Variants in USP42 observed in about 807,000 individuals in gnomAD.
USP42 encodes the protein ubiquitin specific peptidase 42, also known as ubiquitin carboxyl-terminal hydrolase 42.
In USP42, 23 loss-of-function variants were observed where a neutral mutation model predicts 113.0. The observed-to-expected ratio is 0.20, with a 90% CI of 0.15 to 0.29. The LOEUF (loss-of-function observed/expected upper bound fraction) is 0.29, where lower values mean the gene tolerates loss of function less well. USP42 is among the 10% of genes least tolerant of loss of function. The probability of loss-of-function intolerance (pLI) is 1.00; values close to 1 mark genes in which losing one functional copy is unlikely to be tolerated. For synonymous variants in USP42, 933 were observed against 699.0 expected, an observed-to-expected ratio of 1.33 and a Z score of -5.28; for missense variants, 2,174 against 1,779.8, an observed-to-expected ratio of 1.22 and a Z score of -3.99.
intron 10 of USP42, 77 bp from the exon 11 acceptor site, chr7:6,146,071 G>A (rs1379279948): frequency 3.4e-6 from 4 of 1,173,592 alleles, no homozygotes; most frequent in South Asian, 1.4e-5. Flanking sequence ...CAAAAAAAAA[G>A]AAAGAAATAT....
intron 3 of USP42, among the ~76,000 whole-genome samples, chr7:6,118,293 G>A (rs999398474): frequency 4.6e-5 from 7 of 151,902 alleles, no homozygotes; most frequent in Admixed American, 1.3e-4. Flanking sequence ...AGGCTGAGGC[G>A]GGTGGCTCAC....
upstream of USP42, among the ~76,000 whole-genome samples, chr7:6,103,364 CTG>C (rs1222367936): frequency 6.6e-6 from 1 of 150,628 alleles, no homozygotes; most frequent in Admixed American, 6.6e-5. Context: ...TGGTGAAACT[CTG>C]TCTCTACAAA....
chr7:6,125,319 T>G (rs1044551699), intron 3 of USP42, among the ~76,000 whole-genome samples: 18 of 151,888 alleles, frequency 1.2e-4, no homozygotes, highest in African/African-American at 4.4e-4. Flanking sequence ...TGAAACTTTG[T>G]CTCTACTAAA....
At chr7:6,090,560 C>G in the USP42 span, among the ~76,000 whole-genome samples, 1 of 144,270 alleles carries the variant, frequency 6.9e-6, no homozygotes, top group African/African-American at 2.6e-5. Context: ...CCTAAAAATA[C>G]AAAAATTAGT....
chr7:6,103,756 C>CAA (rs56711435), upstream of USP42, among the ~76,000 whole-genome samples: 1 of 129,350 alleles, frequency 7.7e-6, no homozygotes, highest in Non-Finnish European at 1.6e-5. Context: ...AAAAAAAAAA[C>CAA]AAAACTTAAA....
chr7:6,110,199 A>C (rs940850276), intron 1 of USP42, among the ~76,000 whole-genome samples: 2 of 152,134 alleles, frequency 1.3e-5, no homozygotes, highest in Admixed American at 1.3e-4. Context: ...GATTTTAGAA[A>C]TATCCCTAAA....
intron 3 of USP42, among the ~76,000 whole-genome samples, chr7:6,127,911 T>C (rs968347601): frequency 6.6e-6 from 1 of 152,170 alleles, no homozygotes; most frequent in African/African-American, 2.4e-5. Flanking sequence ...CATTCCTGCT[T>C]TTTTTGTTGT....
chr7:6,124,158 G>C (rs1214373280), intron 3 of USP42, among the ~76,000 whole-genome samples: 2 of 151,944 alleles, frequency 1.3e-5, no homozygotes, highest in Non-Finnish European at 2.9e-5. Context: ...TTACAGGCGT[G>C]AGCTACCATG....
At chr7:6,123,767 G>A (rs979742368) in intron 3 of USP42, among the ~76,000 whole-genome samples, 3 of 148,678 alleles carry the variant, frequency 2.0e-5, no homozygotes, top group Non-Finnish European at 4.4e-5. Context: ...AGAATCACTT[G>A]AGCCAGGGAG....
the USP42 span, among the ~76,000 whole-genome samples, chr7:6,093,383 T>G: frequency 6.7e-6 from 1 of 150,372 alleles, no homozygotes; most frequent in African/African-American, 2.5e-5. Flanking sequence ...CCTCCCGAGT[T>G]CAAGTGATTC....
intron 1 of USP42, among the ~76,000 whole-genome samples, chr7:6,105,492 C>T (rs1034048687): frequency 3.5e-5 from 5 of 143,090 alleles, no homozygotes; most frequent in Non-Finnish European, 6.2e-5. Flanking sequence ...GCGTGGCTGC[C>T]ACCTCCCGCC....
chr7:6,138,571 T>C (rs1169638141), intron 4 of USP42, among the ~76,000 whole-genome samples: 1 of 152,164 alleles, frequency 6.6e-6, no homozygotes, highest in Non-Finnish European at 1.5e-5. Context: ...GCTGTGGACT[T>C]TTAATGGTGT....
rs1412872456 is a variant in USP42, at chr7:6,149,605, C to G, written c.1409C>G (p.Thr470Ser). The change falls in exon 13 of 18, where the codon ACT (threonine) becomes AGT (serine). Residue 470 changes from threonine to serine, a missense_variant. Transcript: ENST00000306177. ...CAGAATCCACCTCACTTAAATGGGA[C>G]TGGACCATTGAAAGACACGCCAAGC... ...MIKNPPHLNG[T>S]GPLKDTPSSS... The G allele has an allele frequency of 6.2e-7, 1 of 1,613,754 alleles. No individual in the cohort carries two copies. Among genetic ancestry groups the G allele is most frequent in the Non-Finnish European group, 8.5e-7 (1 of 1,179,764 alleles).
In USP42 at chr7:6,115,358, C is replaced by G; in HGVS notation, c.277C>G (p.Leu93Val). ...GDGIAPPQKV[L>V]FPSEKICLKW... ...TGGCATCGCTCCTCCACAGAAAGTT[C>G]TTTTCCCATCTGAGAAGATTTGTCT... The change falls in exon 3 of 18, where the codon CTT (leucine) becomes GTT (valine). Residue 93 changes from leucine to valine, a missense_variant. By Grantham distance (32) the Leu-to-Val change is conservative. Coordinates refer to ENST00000306177, the MANE Select transcript of USP42 (RefSeq NM_032172.3). 1 of 1,614,008 alleles carries G rather than the reference C, an allele frequency of 6.2e-7. No individual in the cohort carries two copies. The highest frequency in any genetic ancestry group is 8.5e-7 in the Non-Finnish European group (1 of 1,179,886).
At chr7:6,153,721 G>A (rs768975085) in intron 14 of USP42, 35 bp from the exon 15 acceptor site, 33 of 1,427,242 alleles carry the variant, frequency 2.3e-5, no homozygotes, top group Admixed American at 1.8e-4. Context: ...TCAAGCCCAC[G>A]CTAACGGGCG....
At position 6,155,090 on chromosome 7, in the gene USP42, G is replaced by A. The variant is rs377134337; in HGVS notation, c.3536G>A (p.Arg1179Gln). 98 of 1,561,104 alleles carry A rather than the reference G, an allele frequency of 6.3e-5. No individual in the cohort carries two copies. The African/African-American group carries it at 1.1e-3, about 17-fold the overall frequency. ...NSDSHVEKKA[R>Q]RSEQKDPLEE... ...GACAGTCATGTTGAAAAGAAAGCCC[G>A]GAGGAGCGAACAGAAGGATCCTCTA... Residue 1179 changes from arginine to glutamine, a missense_variant, in exon 15 of 18, where the codon CGG becomes CAG. Transcript: ENST00000306177.
chr7:6,144,291 T>G, intron 9 of USP42, 95 bp downstream of exon 9: 1 of 788,692 alleles, frequency 1.3e-6, no homozygotes, highest in South Asian at 1.9e-5. Context: ...GACTTTCTCA[T>G]GACAAAATTG....
chr7:6,089,907 G>A, the USP42 span, among the ~76,000 whole-genome samples: 10 of 151,006 alleles, frequency 6.6e-5, no homozygotes, highest in Non-Finnish European at 1.2e-4. Context: ...CGCAGGAGGC[G>A]CCAATGTGGC....
Position 6,159,859 on chromosome 7 carries a change from C to A in USP42, c.*36+366C>A, listed in dbSNP as rs528450165. Reference sequence around the variant, plus strand: ...AGAGGCCCGGTCCCCAGCACAGGCACCTCACTCAGGAGAGCGGAGCCTTGC... The same window carrying A: ...AGAGGCCCGGTCCCCAGCACAGGCAACTCACTCAGGAGAGCGGAGCCTTGC... On this transcript the variant is annotated intron_variant, in intron 17 of 17. Transcript: ENST00000306177. This position sits in a 1 kb window ranked among gnomAD's most constrained non-coding sequence, Gnocchi z 4.1. Among the ~76,000 whole-genome samples the A allele has an allele frequency of 6.6e-6, 1 of 152,252 alleles. No individual in the cohort carries two copies. The highest frequency in any genetic ancestry group is 1.9e-4 in the East Asian group (1 of 5,170).
Sources: gnomAD v4.1 joint callset for allele counts (sites outside exome capture counted in the v4.1 genomes callset) on GRCh38, gnomAD v4.1.1 for gene constraint, Gnocchi (gnomAD v3.1) non-coding constraint, MANE v1.5 for transcripts, NCBI Gene and HGNC (gene_info 2026-07-23, HGNC 2026-07-21) for gene names.